Variants in PPFIBP2 observed in about 807,000 individuals in gnomAD.
The protein encoded by PPFIBP2 is liprin-beta-2.
In PPFIBP2, 118 loss-of-function variants were observed where a neutral mutation model predicts 118.3. The ratio of observed to expected loss-of-function variants is 1.00; its 90% CI spans 0.86 to 1.16. The LOEUF is 1.16. Ranked by LOEUF, PPFIBP2 falls within the 50% of genes most tolerant of loss-of-function variation. The pLI is 0.00. For missense variants in PPFIBP2, 1,195 were observed against 1,073.1 expected, an observed-to-expected ratio of 1.11 and a Z score of -1.59; for synonymous variants, 414 against 397.4, an observed-to-expected ratio of 1.04 and a Z score of -0.50.
chr11:7,572,775 G>T (rs538019499), intron 3 of PPFIBP2, among the ~76,000 whole-genome samples: 8,409 of 151,708 alleles, frequency 0.055, 750 homozygotes, highest in African/African-American at 0.19. Context: ...TGTTTTGTTT[G>T]TTTTGTTTTG....
intron 5 of PPFIBP2, among the ~76,000 whole-genome samples, chr11:7,609,377 G>A (rs1847791637): frequency 6.6e-6 from 1 of 152,182 alleles, no homozygotes; most frequent in African/African-American, 2.4e-5. Context: ...TTTGTAGCCA[G>A]TGTCTACCAT....
At chr11:7,571,696 C>T (rs1855666627) in intron 3 of PPFIBP2, 1 of 152,094 alleles carries the variant, frequency 6.6e-6, no homozygotes, top group Admixed American at 6.5e-5. Flanking sequence ...TTCTTACCTC[C>T]CCTGTGACAG....
In PPFIBP2 at chr11:7,649,572, A is replaced by G; in HGVS notation, c.2039A>G (p.His680Arg). 1 of 1,614,204 alleles carries G rather than the reference A, an allele frequency of 6.2e-7. No individual in the cohort carries two copies. The highest frequency in any genetic ancestry group is 8.5e-7 in the Non-Finnish European group (1 of 1,180,026). ...TTAAAAGTCACCAGCCAACTACATC[A>G]TCTCAGCATCAAATGTGCCATTCAC... ...LFLKVTSQLH[H>R]LSIKCAIHVL... The change falls in exon 21 of 24, where the codon CAT becomes CGT. Residue 680 changes from histidine to arginine, a missense_variant. His to Arg is a conservative substitution (Grantham distance 29). Coordinates refer to ENST00000299492, the MANE Select transcript of PPFIBP2 (RefSeq NM_003621.5).
chr11:7,595,891 CTT>C (rs35903584), intron 4 of PPFIBP2, among the ~76,000 whole-genome samples: 65 of 143,478 alleles, frequency 4.5e-4, no homozygotes, highest in Admixed American at 4.8e-4. Flanking sequence ...GATTTTTATC[CTT>C]TTTTTTTTTT....
intron 14 of PPFIBP2, 100 bp downstream of exon 14, chr11:7,635,693 C>T: frequency 7.6e-7 from 1 of 1,320,648 alleles, no homozygotes; most frequent in Non-Finnish European, 1.1e-6. Context: ...AATGTGCCAA[C>T]TGTAAGGAGT....
intron 3 of PPFIBP2, among the ~76,000 whole-genome samples, chr11:7,585,568 G>A (rs1025059149): frequency 3.9e-5 from 6 of 152,236 alleles, no homozygotes; most frequent in Non-Finnish European, 8.8e-5. Flanking sequence ...CATGTGAAGA[G>A]TGTGTTCTCC....
intron 1 of PPFIBP2, among the ~76,000 whole-genome samples, chr11:7,540,711 GCA>G (rs1851687547): frequency 6.6e-6 from 1 of 152,182 alleles, no homozygotes; most frequent in Non-Finnish European, 1.5e-5. Flanking sequence ...CAGACACGTG[GCA>G]CAGTTTTCAG....
intron 7 of PPFIBP2, among the ~76,000 whole-genome samples, chr11:7,624,218 C>T (rs966094110): frequency 6.6e-6 from 1 of 152,158 alleles, no homozygotes; most frequent in African/African-American, 2.4e-5. Flanking sequence ...GGAGCCCTGA[C>T]ATTGGAGCAG....
At chr11:7,567,133 G>C (rs1341386669) in intron 3 of PPFIBP2, among the ~76,000 whole-genome samples, 1 of 152,204 alleles carries the variant, frequency 6.6e-6, no homozygotes, top group East Asian at 1.9e-4. Context: ...TTGGTTTCTT[G>C]TTTTCCTTTT....
intron 6 of PPFIBP2, chr11:7,617,074 C>T (rs1402402354): frequency 1.0e-6 from 1 of 969,102 alleles, no homozygotes; most frequent in Non-Finnish European, 1.2e-6. Context: ...GCTGTCTGAC[C>T]TGGAGTGCTT....
At chr11:7,529,423 C>T (rs1850491208) in intron 1 of PPFIBP2, among the ~76,000 whole-genome samples, 1 of 152,194 alleles carries the variant, frequency 6.6e-6, no homozygotes, top group Admixed American at 6.5e-5. Flanking sequence ...GGAGTGATTG[C>T]CTGTCTGGCT....
chr11:7,665,444 A>G, the PPFIBP2 span: 9 of 1,613,494 alleles, frequency 5.6e-6, no homozygotes, highest in African/African-American at 1.3e-5. Context: ...CGTCTGGATT[A>G]GTGGTGGCGG....
intron 1 of PPFIBP2, among the ~76,000 whole-genome samples, chr11:7,531,785 A>G (rs979378154): frequency 6.6e-6 from 1 of 152,110 alleles, no homozygotes; most frequent in Admixed American, 6.6e-5. Context: ...GGGTGTTGGC[A>G]GGGTTGGTTT....
At chr11:7,634,789 C>A (rs936602625) in intron 13 of PPFIBP2, among the ~76,000 whole-genome samples, 2 of 152,142 alleles carry the variant, frequency 1.3e-5, no homozygotes, top group Non-Finnish European at 2.9e-5. Flanking sequence ...ATGTTGAGAT[C>A]AGCAAAGCTT....
chr11:7,573,177 G>T (rs1193139879), intron 3 of PPFIBP2, among the ~76,000 whole-genome samples: 1 of 152,126 alleles, frequency 6.6e-6, no homozygotes, highest in Non-Finnish European at 1.5e-5. Context: ...TGTCAGCAGT[G>T]CACAACAGCA....
At chr11:7,546,312 G>A (rs1276045828) in intron 1 of PPFIBP2, among the ~76,000 whole-genome samples, 2 of 152,164 alleles carry the variant, frequency 1.3e-5, no homozygotes, top group Non-Finnish European at 2.9e-5. Flanking sequence ...AAAATAGGCT[G>A]GCAAAAAGAG....
At chr11:7,532,720 G>C (rs1260875521) in intron 1 of PPFIBP2, among the ~76,000 whole-genome samples, 4 of 152,184 alleles carry the variant, frequency 2.6e-5, no homozygotes, top group Admixed American at 2.6e-4. Flanking sequence ...GGAGGCAGAG[G>C]CCAGGCTGTT....
At chr11:7,580,438 A>G (rs1278565510) in intron 3 of PPFIBP2, among the ~76,000 whole-genome samples, 1 of 152,218 alleles carries the variant, frequency 6.6e-6, no homozygotes, top group East Asian at 1.9e-4. Flanking sequence ...CTGGAAGAAG[A>G]GGTTCCTGGT....
downstream of PPFIBP2, among the ~76,000 whole-genome samples, chr11:7,657,429 C>T (rs1325980159): frequency 2.0e-5 from 3 of 152,082 alleles, no homozygotes; most frequent in Admixed American, 6.5e-5. Context: ...GGAGCAGAGG[C>T]GTCCCCAACA....
Sources: gnomAD v4.1 joint callset for allele counts (sites outside exome capture counted in the v4.1 genomes callset) on GRCh38, gnomAD v4.1.1 for gene constraint, MANE v1.5 for transcripts, NCBI Gene and HGNC (gene_info 2026-07-23, HGNC 2026-07-21) for gene names.